The following QTGAL variants were observed in gnomAD, a reference collection of about 807,000 sequenced individuals.
QTGAL encodes queuosine-tRNA galactosyltransferase, also known as BGnT-like protein 1.
At chr17:83,030,467 G>A in the QTGAL span, among the ~76,000 whole-genome samples, 51 of 152,230 alleles carry the variant, frequency 3.4e-4, no homozygotes, top group African/African-American at 1.0e-3. Context: ...GGCCTTGGGC[G>A]TTGCAGGCTG....
chr17:82,960,578 C>T, the QTGAL span: 8 of 155,838 alleles, frequency 5.1e-5, no homozygotes, highest in Non-Finnish European at 8.5e-5. Flanking sequence ...CAGACCCGGG[C>T]CCACGTGGCC....
At chr17:83,005,427 G>A in the QTGAL span, 57 of 619,940 alleles carry the variant, frequency 9.2e-5, no homozygotes, top group South Asian at 8.2e-4. The surrounding 1 kb of genome is among the most constrained non-coding windows in gnomAD (Gnocchi z 5.6). Context: ...CGATGGGCAC[G>A]ACAGAAGACG....
the QTGAL span, chr17:83,005,781 T>C: frequency 5.0e-5 from 49 of 980,378 alleles, no homozygotes; most frequent in Non-Finnish European, 2.7e-5. The surrounding 1 kb of genome is among the most constrained non-coding windows in gnomAD (Gnocchi z 5.6). Flanking sequence ...GTCAGTAGCC[T>C]TGACCCCCTC....
At chr17:82,963,340 G>A in the QTGAL span, among the ~76,000 whole-genome samples, 1 of 152,156 alleles carries the variant, frequency 6.6e-6, no homozygotes, top group African/African-American at 2.4e-5. Flanking sequence ...CATCCCCAGC[G>A]CGAACCTCCA....
the QTGAL span, among the ~76,000 whole-genome samples, chr17:82,972,539 C>A: frequency 8.2e-6 from 1 of 122,328 alleles, no homozygotes; most frequent in Non-Finnish European, 1.7e-5. Flanking sequence ...GCCGACCACA[C>A]CACACCACAG....
chr17:82,960,078 G>A, the QTGAL span, among the ~76,000 whole-genome samples: 1 of 152,212 alleles, frequency 6.6e-6, no homozygotes, highest in Non-Finnish European at 1.5e-5. Flanking sequence ...ACACGTCACC[G>A]CATGAGGAGG....
chr17:82,951,325 G>A, the QTGAL span, among the ~76,000 whole-genome samples: 1 of 152,168 alleles, frequency 6.6e-6, no homozygotes, highest in Admixed American at 6.5e-5. Flanking sequence ...CTCATATTAC[G>A]GAGACGGCTT....
chr17:83,033,723 G>A, the QTGAL span, among the ~76,000 whole-genome samples: 40 of 151,890 alleles, frequency 2.6e-4, no homozygotes, highest in African/African-American at 7.0e-4. Flanking sequence ...CACCCGCCTC[G>A]GCCTCCCAAA....
chr17:82,977,623 C>T, the QTGAL span, among the ~76,000 whole-genome samples: 1 of 152,194 alleles, frequency 6.6e-6, no homozygotes, highest in Non-Finnish European at 1.5e-5. Context: ...CCGCTGGTGA[C>T]TCCCACTTCT....
At chr17:83,050,203 C>A in the QTGAL span, among the ~76,000 whole-genome samples, 1 of 151,890 alleles carries the variant, frequency 6.6e-6, no homozygotes, top group African/African-American at 2.4e-5. Context: ...AAACCCCGTC[C>A]CTACTAAAAA....
the QTGAL span, chr17:82,957,283 G>C: frequency 1.2e-6 from 2 of 1,614,132 alleles, no homozygotes; most frequent in Non-Finnish European, 1.7e-6. Context: ...GCTCTGGACA[G>C]GCCGGGGCCA....
the QTGAL span, among the ~76,000 whole-genome samples, chr17:83,014,759 C>A: frequency 1.3e-5 from 2 of 152,250 alleles, no homozygotes. Context: ...GCAATTCCTA[C>A]AAATAAGTAA....
the QTGAL span, among the ~76,000 whole-genome samples, chr17:83,012,643 G>A: frequency 4.6e-5 from 7 of 152,154 alleles, no homozygotes; most frequent in African/African-American, 1.4e-4. Context: ...GGCAGCTAAC[G>A]TGGCAGGGAC....
At chr17:82,987,485 A>T in the QTGAL span, among the ~76,000 whole-genome samples, 1 of 152,250 alleles carries the variant, frequency 6.6e-6, no homozygotes, top group Non-Finnish European at 1.5e-5. Context: ...TGAGCAGATG[A>T]ACCGTATTCA....
At chr17:83,005,287 T>C in the QTGAL span, 1 of 1,216,816 alleles carries the variant, frequency 8.2e-7, no homozygotes. This position sits in a 1 kb window ranked among gnomAD's most constrained non-coding sequence, Gnocchi z 5.6. Context: ...TGTGTATTCA[T>C]CTCACATGTT....
At chr17:82,972,879 T>C in the QTGAL span, among the ~76,000 whole-genome samples, 4 of 140,192 alleles carry the variant, frequency 2.9e-5, no homozygotes, top group African/African-American at 1.2e-4. Context: ...GACCCGGTAC[T>C]GACCACACCA....
the QTGAL span, among the ~76,000 whole-genome samples, chr17:83,039,595 C>T: frequency 6.9e-6 from 1 of 144,818 alleles, no homozygotes; most frequent in African/African-American, 2.6e-5. Flanking sequence ...GGGCGCCCAC[C>T]GCCCGCCCCT....
At chr17:83,027,693 C>T in the QTGAL span, among the ~76,000 whole-genome samples, 85 of 105,222 alleles carry the variant, frequency 8.1e-4, 1 homozygote, top group East Asian at 0.019. Context: ...CAAAGTGAGA[C>T]GCTCTCAAAA....
At chr17:83,051,757 G>T in the QTGAL span, 3 of 1,497,254 alleles carry the variant, frequency 2.0e-6, no homozygotes, top group African/African-American at 1.5e-5. Context: ...TGCATGGCCT[G>T]GCTCTCCTCG....
Sources: allele counts gnomAD v4.1 joint callset (sites outside exome capture counted in the v4.1 genomes callset), GRCh38; gene constraint gnomAD v4.1.1; non-coding constraint Gnocchi (gnomAD v3.1); transcripts MANE v1.5; gene names NCBI Gene and HGNC (gene_info 2026-07-23, HGNC 2026-07-21).